CTNNA2: variants seen among roughly 807,000 people sequenced by gnomAD.
CTNNA2 encodes the protein catenin alpha 2, also known as catenin alpha-2.
CTNNA2 carries 42 observed loss-of-function variants against 101.0 expected under a neutral mutation model. The ratio of observed to expected loss-of-function variants is 0.42; its 90% confidence interval spans 0.32 to 0.54. CTNNA2 has a LOEUF of 0.54. CTNNA2 is among the 20% of genes least tolerant of loss of function. The pLI, the probability that CTNNA2 is intolerant of heterozygous loss-of-function variation, is 0.14. For synonymous variants in CTNNA2, 450 were observed against 456.4 expected (o/e 0.99, Z 0.18); for missense variants, 871 against 1,223.1 (o/e 0.71, Z 4.29).
At chr2:79,660,203 A>G (rs12998157) in intron 2 of CTNNA2, among the ~76,000 whole-genome samples, 9,726 of 150,290 alleles carry the variant, frequency 0.065, 395 homozygotes, top group South Asian at 0.11. Flanking sequence ...AATACTATGT[A>G]TATATAGTAT....
intron 3 of CTNNA2, among the ~76,000 whole-genome samples, chr2:79,777,715 G>A (rs570219170): frequency 2.0e-5 from 3 of 152,134 alleles, no homozygotes; most frequent in South Asian, 2.1e-4. Context: ...ATCAATTCTA[G>A]GATGGCAGAA....
At chr2:79,697,935 TA>T (rs1202625072) in intron 2 of CTNNA2, 1 of 152,056 alleles carries the variant, frequency 6.6e-6, no homozygotes, top group Non-Finnish European at 1.5e-5. Context: ...CTAGAAAATT[TA>T]AAAACAATGA....
chr2:80,169,518 C>T (rs1228066937), intron 7 of CTNNA2, among the ~76,000 whole-genome samples: 1 of 152,186 alleles, frequency 6.6e-6, no homozygotes, highest in Non-Finnish European at 1.5e-5. Context: ...TATGGTATTT[C>T]AGTCCCCATA....
At chr2:80,280,480 G>A (rs1674289994) in intron 7 of CTNNA2, among the ~76,000 whole-genome samples, 1 of 151,602 alleles carries the variant, frequency 6.6e-6, no homozygotes, top group Non-Finnish European at 1.5e-5. Flanking sequence ...AAATATTTCA[G>A]GCCAGTGGCA....
chr2:80,339,782 G>C (rs914439018), intron 7 of CTNNA2, among the ~76,000 whole-genome samples: 2 of 152,138 alleles, frequency 1.3e-5, no homozygotes, highest in Non-Finnish European at 2.9e-5. Flanking sequence ...GTTAGGACTA[G>C]GTATAACTGA....
rs966028580 is a variant in CTNNA2, at chr2:79,702,926, G to A, written c.103-41461G>A. 5.9e-5 allele frequency among the ~76,000 whole-genome samples: 9 copies of A among 152,192 alleles called. 1 individual carries two copies. In the South Asian group the frequency reaches 8.3e-4, roughly 14 times the overall value. ...GGGTCCTAAAGATGTGTGTGTCCTC[G>A]CCCTCTCTGCAGCCCTTCAAACACA... On this transcript the variant is annotated intron_variant, in intron 2 of 18. Coordinates refer to ENST00000402739, the MANE Select transcript of CTNNA2 (RefSeq NM_001282597.3).
intron 3 of CTNNA2, among the ~76,000 whole-genome samples, chr2:79,857,740 G>A (rs1254230533): frequency 6.6e-6 from 1 of 152,152 alleles, no homozygotes; most frequent in Non-Finnish European, 1.5e-5. Context: ...TCAACTATTA[G>A]ACAAATGGAA....
chr2:79,245,560 A>G (rs973611173), intron 2 of CTNNA2, among the ~76,000 whole-genome samples: 8 of 152,192 alleles, frequency 5.3e-5, no homozygotes, highest in Admixed American at 5.2e-4. Context: ...CCTCCCAGGA[A>G]GCTCTACTCT....
At chr2:80,420,520 T>A (rs1245612874) in intron 9 of CTNNA2, among the ~76,000 whole-genome samples, 1 of 152,130 alleles carries the variant, frequency 6.6e-6, no homozygotes, top group Non-Finnish European at 1.5e-5. Context: ...TAAAATCACT[T>A]AAAATGACAG....
chr2:79,767,875 G>A (rs1339515467), intron 3 of CTNNA2, among the ~76,000 whole-genome samples: 2 of 151,408 alleles, frequency 1.3e-5, no homozygotes, highest in African/African-American at 4.9e-5. Context: ...GTCTCTCTTG[G>A]AGCTGTGAGC....
intron 4 of CTNNA2, among the ~76,000 whole-genome samples, chr2:79,429,880 T>C (rs1323344529): frequency 1.3e-5 from 2 of 152,168 alleles, no homozygotes. Context: ...TTAATCATGT[T>C]CGTATGCCTT....
At chr2:79,479,643 C>G (rs1407790800) in intron 4 of CTNNA2, among the ~76,000 whole-genome samples, 1 of 152,084 alleles carries the variant, frequency 6.6e-6, no homozygotes, top group African/African-American at 2.4e-5. Flanking sequence ...GAATACCTGG[C>G]TGGGTGTGGT....
At chr2:79,795,815 A>G (rs1323121941) in intron 3 of CTNNA2, among the ~76,000 whole-genome samples, 2 of 152,230 alleles carry the variant, frequency 1.3e-5, no homozygotes, top group African/African-American at 4.8e-5. Context: ...ATTTCCATGC[A>G]AGAATCTACT....
At chr2:80,490,098 G>T (rs1573019453) in intron 9 of CTNNA2, among the ~76,000 whole-genome samples, 1 of 152,122 alleles carries the variant, frequency 6.6e-6, no homozygotes, top group Non-Finnish European at 1.5e-5. Flanking sequence ...TGAACCAGCT[G>T]CTCTCAGACT....
intron 7 of CTNNA2, among the ~76,000 whole-genome samples, chr2:80,017,724 A>T (rs867520148): frequency 6.6e-6 from 1 of 152,018 alleles, no homozygotes; most frequent in Non-Finnish European, 1.5e-5. Context: ...TTTCTGTTCA[A>T]TTTCATTCAT....
chr2:80,118,005 C>T (rs1054719748), intron 7 of CTNNA2, among the ~76,000 whole-genome samples: 15 of 152,110 alleles, frequency 9.9e-5, no homozygotes, highest in Non-Finnish European at 1.6e-4. Context: ...ATAGTCTGTA[C>T]ATGGAAAGAG....
chr2:80,172,981 G>C (rs1021008577), intron 7 of CTNNA2, among the ~76,000 whole-genome samples: 1 of 152,146 alleles, frequency 6.6e-6, no homozygotes, highest in African/African-American at 2.4e-5. Context: ...CTGAAGTCCT[G>C]GGGGGTGAGT....
At chr2:79,269,492 T>G (rs1298473887) in intron 2 of CTNNA2, among the ~76,000 whole-genome samples, 1 of 152,134 alleles carries the variant, frequency 6.6e-6, no homozygotes, top group Non-Finnish European at 1.5e-5. Flanking sequence ...CTGCACATAC[T>G]ATAGAACAGA....
At chr2:79,757,669 G>T (rs1353564685) in intron 3 of CTNNA2, among the ~76,000 whole-genome samples, 1 of 152,150 alleles carries the variant, frequency 6.6e-6, no homozygotes, top group Non-Finnish European at 1.5e-5. Context: ...GTGCAAACCT[G>T]TCCACCCGAG....
Sources: gnomAD v4.1 joint callset for allele counts (sites outside exome capture counted in the v4.1 genomes callset) on GRCh38, gnomAD v4.1.1 for gene constraint, MANE v1.5 for transcripts, NCBI Gene and HGNC (gene_info 2026-07-23, HGNC 2026-07-21) for gene names.